BRD8: variants seen among roughly 807,000 people sequenced by gnomAD.
BRD8 encodes bromodomain containing 8.
Under a neutral mutation model 143.1 loss-of-function variants are expected in BRD8, and 67 were observed. That is an observed-to-expected ratio of 0.47 (90% CI 0.38 to 0.57). The LOEUF (loss-of-function observed/expected upper bound fraction) is 0.57, where lower values mean the gene tolerates loss of function less well. Ranked by LOEUF, BRD8 falls within the 20% of genes least tolerant of loss-of-function variation. The pLI is 0.00. For missense variants in BRD8, 1,103 were observed against 1,503.0 expected (o/e 0.73, Z 4.40); for synonymous variants, 505 against 517.1 (o/e 0.98, Z 0.32).
At chr5:138,149,243 C>G (rs916037058) in intron 23 of BRD8, among the ~76,000 whole-genome samples, 4 of 151,992 alleles carry the variant, frequency 2.6e-5, no homozygotes, top group African/African-American at 7.2e-5. Context: ...TCCGGAGTAC[C>G]TGAGACTATA....
Position 138,165,058 on chromosome 5 carries a change from T to A in BRD8, c.1387A>T (p.Ile463Phe), listed in dbSNP as rs1308473370. 1.2e-5 allele frequency: 19 copies of A among 1,614,026 alleles called. No individual in the cohort carries two copies. Among genetic ancestry groups the A allele is most frequent in the Non-Finnish European group, 1.5e-5 (18 of 1,180,020 alleles). The change falls in exon 12 of 27, where the codon ATC (isoleucine) becomes TTC (phenylalanine). Residue 463 changes from isoleucine to phenylalanine, a missense_variant. By Grantham distance (21) the Ile-to-Phe change is conservative. Around this residue, in one of 7 missense-constraint regions of BRD8, gnomAD observed 53 missense variants for 101.4 expected, o/e 0.52. Transcript: ENST00000254900. ...ACTGGCTTGTCCCGCTCCTGCTGGA[T>A]AGGATGCTCCCAGGGGCCAGGCAGG... ...QSLPGPWEHP[I>F]QQERDKPVPL...
intron 16 of BRD8, 23 bp downstream of exon 16, chr5:138,162,031 A>T (rs1280985169): frequency 3.7e-6 from 6 of 1,600,846 alleles, no homozygotes; most frequent in Non-Finnish European, 5.1e-6. Flanking sequence ...AAATGAACCT[A>T]CTGACTGGTA....
intron 2 of BRD8, among the ~76,000 whole-genome samples, chr5:138,174,952 C>A (rs1156758799): frequency 1.3e-5 from 2 of 150,516 alleles, no homozygotes; most frequent in Non-Finnish European, 2.9e-5. Context: ...TGCAGTGGCA[C>A]GATCTCAAAT....
At chr5:138,178,510 C>T in intron 1 of BRD8, 86 bp downstream of exon 1, 5 of 1,265,576 alleles carry the variant, frequency 4.0e-6, no homozygotes, top group Non-Finnish European at 5.8e-6. Context: ...ACCCACTTCT[C>T]CCACTCCCTA....
rs764037114 is a variant in BRD8, at chr5:138,140,186, A to G, written c.3616-20T>C. The G allele has an allele frequency of 2.6e-6, 4 of 1,549,134 alleles. No homozygotes were observed. The highest frequency in any genetic ancestry group is 3.6e-6 in the Non-Finnish European group (4 of 1,121,484). ...CAGTACCTAAAGGGTTAAGGAACAC[A>G]TAGCAAGCTATTATGAACCTTAAAC... is the stretch of plus-strand genomic sequence containing the variant. On this transcript the variant is annotated intron_variant, in intron 26 of 26. Coordinates refer to ENST00000254900, the MANE Select transcript of BRD8 (RefSeq NM_139199.2).
intron 2 of BRD8, among the ~76,000 whole-genome samples, chr5:138,176,013 A>T (rs1754303313): frequency 6.6e-6 from 1 of 152,088 alleles, no homozygotes. Context: ...AATTAAAAAC[A>T]TTGTCCACAA....
intron 2 of BRD8, among the ~76,000 whole-genome samples, chr5:138,172,426 G>A (rs1288527902): frequency 6.7e-6 from 1 of 149,666 alleles, no homozygotes; most frequent in Non-Finnish European, 1.5e-5. Flanking sequence ...GGGAGGCTGA[G>A]GCAGGAGAAT....
intron 20 of BRD8, among the ~76,000 whole-genome samples, chr5:138,154,505 G>A (rs1174566488): frequency 3.3e-5 from 5 of 152,086 alleles, no homozygotes; most frequent in South Asian, 2.1e-4. Context: ...ACTGCTTTGG[G>A]ACTACAATGT....
intron 12 of BRD8, 23 bp from the exon 13 acceptor site, chr5:138,164,436 C>A (rs1285486259): frequency 6.3e-7 from 1 of 1,598,614 alleles, no homozygotes; most frequent in Admixed American, 1.7e-5. Flanking sequence ...AAAGAAAAAA[C>A]ACCCTAAGTA....
chr5:138,151,904 G>A (rs1752386256), intron 21 of BRD8, among the ~76,000 whole-genome samples: 1 of 151,842 alleles, frequency 6.6e-6, no homozygotes, highest in African/African-American at 2.4e-5. Flanking sequence ...GCCCAGGCTG[G>A]AGTGCAATGG....
rs201829020 is a variant in BRD8, at chr5:138,171,038, C to G, written c.359G>C (p.Arg120Thr). ...KVIKETQERY[R>T]RLKRDAELIQ... ...TTTTGGCATTCTCTCTGATAAGTACCTATATCTCTCCTGGGTTTCCTTTAT... is the reference window on the plus strand; with the variant it reads ...TTTTGGCATTCTCTCTGATAAGTACGTATATCTCTCCTGGGTTTCCTTTAT... Residue 120 changes from arginine (R) to threonine (T), a missense_variant and splice_region_variant, in exon 5 of 27, where the codon AGA becomes ACA. By Grantham distance (71) the Arg-to-Thr change is moderately conservative. Around this residue, in one of 7 missense-constraint regions of BRD8, gnomAD observed 334 missense variants for 372.5 expected, o/e 0.90. Coordinates refer to ENST00000254900, the MANE Select transcript of BRD8 (RefSeq NM_139199.2). 2 of 1,613,596 alleles carry G rather than the reference C, an allele frequency of 1.2e-6. No homozygotes were observed. The highest frequency in any genetic ancestry group is 1.7e-6 in the Non-Finnish European group (2 of 1,179,922).
At position 138,165,885 on chromosome 5, in the gene BRD8, T is replaced by C; in HGVS notation, c.1221A>G (p.Thr407=). Residue 407 remains threonine, a synonymous_variant, in exon 11 of 27, where the codon ACA becomes ACG. Coordinates refer to ENST00000254900, the MANE Select transcript of BRD8 (RefSeq NM_139199.2). ...AEKMDIAVSY[T]GEELDFETVG... ...CAGTCTCAAAATCCAGCTCTTCACC[T>C]GTGTAAGACACAGCAATATCCATCT... 6.2e-7 allele frequency: 1 copy of C among 1,614,254 alleles called. No individual in the cohort carries two copies. Among genetic ancestry groups the C allele is most frequent in the Non-Finnish European group, 8.5e-7 (1 of 1,180,046 alleles).
rs771457159 is a variant in BRD8, at chr5:138,160,092, G to C, written c.2509C>G (p.Arg837Gly). 2 of 1,613,936 alleles carry C rather than the reference G, an allele frequency of 1.2e-6. No individual in the cohort carries two copies. The stretch of plus-strand genomic sequence containing the variant: ...ACCTTCTCTGAAGCATCCTGTTTGC[G>C]GGTAGAATCTCTCCCTCGAAGACTT... The part of the protein sequence containing the change: ...AKSLRGRDST[R>G]KQDASEKDSV... The change falls in exon 19 of 27, where the codon CGC becomes GGC. Residue 837 changes from arginine (R) to glycine (G), a missense_variant. Physicochemically the swap from Arg to Gly is moderately radical, Grantham distance 125. Around this residue, in one of 7 missense-constraint regions of BRD8, gnomAD observed 64 missense variants for 211.3 expected, o/e 0.30. Coordinates refer to ENST00000254900, the MANE Select transcript of BRD8 (RefSeq NM_139199.2).
rs1753910812 is a variant in BRD8 at position 138,172,092 on chromosome 5, G to A, written c.159C>T (p.Gly53=). 1 of 1,613,422 alleles carries A rather than the reference G, an allele frequency of 6.2e-7. No homozygotes were observed. Among genetic ancestry groups the A allele is most frequent in the African/African-American group, 1.3e-5 (1 of 74,740 alleles). ...SRAIKPFAEP[G]RPPDWFSQKH... ...TTTGAGAGAACCAGTCTGGAGGGCG[G>A]CCAGGTTCTGCAAAGGGCTTGATTG... Residue 53 remains glycine, a synonymous_variant, in exon 3 of 27, where the codon GGC becomes GGT. Coordinates refer to ENST00000254900, the MANE Select transcript of BRD8 (RefSeq NM_139199.2).
intron 21 of BRD8, among the ~76,000 whole-genome samples, chr5:138,151,894 G>T (rs769609790): frequency 5.4e-5 from 8 of 149,382 alleles, no homozygotes; most frequent in Middle Eastern, 3.5e-3. Flanking sequence ...TCGCTCTGTC[G>T]CCCAGGCTGG....
chr5:138,169,695 G>A (rs1753713530), intron 7 of BRD8, among the ~76,000 whole-genome samples: 1 of 152,334 alleles, frequency 6.6e-6, no homozygotes, highest in Admixed American at 6.5e-5. Context: ...AAGGCCAGGT[G>A]CAGTGGCTCA....
At position 138,176,482 on chromosome 5, in the gene BRD8, G is replaced by A. The variant is rs138086026; in HGVS notation, c.116+1089C>T. On this transcript the variant is annotated intron_variant, in intron 2 of 26. Transcript: ENST00000254900. ...CCAGCTACTTGGGAGGCTAAGGCAC[G>A]ATAATCGCTTGAACCTGGGAGGCGG... Among the ~76,000 whole-genome samples the A allele has an allele frequency of 3.5e-4, 54 of 152,248 alleles. No homozygotes were observed. The East Asian group carries it at 8.5e-3, about 24-fold the overall frequency.
Position 138,161,081 on chromosome 5 carries a change from A to G in BRD8, c.2250-13T>C. ...CAAATCCATAGGCCTAAAAAAAAAG[A>G]ACAGGGGTAAGTAGCAGTGGGGATG... On this transcript the variant is annotated splice_polypyrimidine_tract_variant and intron_variant, in intron 17 of 26. Coordinates refer to ENST00000254900, the MANE Select transcript of BRD8 (RefSeq NM_139199.2). The G allele has an allele frequency of 6.2e-7, 1 of 1,602,532 alleles. No homozygotes were observed. Among genetic ancestry groups the G allele is most frequent in the Non-Finnish European group, 8.5e-7 (1 of 1,173,208 alleles).
rs1472106871 is a variant in BRD8 at position 138,164,915 on chromosome 5, C to T, written c.1530G>A (p.Val510=). Residue 510 remains valine, a synonymous_variant, in exon 12 of 27, where the codon GTG becomes GTA. Transcript: ENST00000254900. ...TGACTGGCTCTGGTTCTGCAGGTTCCACCTTGATCTCTGCACTGGGCTCCC... is the reference window on the plus strand; with the variant it reads ...TGACTGGCTCTGGTTCTGCAGGTTCTACCTTGATCTCTGCACTGGGCTCCC... The part of the protein sequence containing the change: ...DIREPSAEIK[V]EPAEPEPVIS... 2.5e-6 allele frequency: 4 copies of T among 1,614,066 alleles called. No homozygotes were observed. The African/African-American group carries it at 5.3e-5, about 22-fold the overall frequency.
Sources: allele counts gnomAD v4.1 joint callset (sites outside exome capture counted in the v4.1 genomes callset), GRCh38; gene constraint gnomAD v4.1.1; regional missense constraint gnomAD v4.1.1; transcripts MANE v1.5; gene names NCBI Gene and HGNC (gene_info 2026-07-23, HGNC 2026-07-21).